Variants in NRG1 observed in about 807,000 individuals in gnomAD.
The protein encoded by NRG1 is neuregulin 1, also known as pro-neuregulin-1, membrane-bound isoform.
A neutral mutation model predicts 63.8 loss-of-function variants in NRG1; 18 were observed. The ratio of observed to expected loss-of-function variants is 0.28; its 90% CI spans 0.19 to 0.42. The LOEUF (loss-of-function observed/expected upper bound fraction) is 0.42, where lower values mean the gene tolerates loss of function less well. Ranked by LOEUF, NRG1 falls within the 10% of genes least tolerant of loss-of-function variation. The pLI is 1.00. For synonymous variants in NRG1, 302 were observed against 301.3 expected (o/e 1.00, Z -0.02); for missense variants, 762 against 814.7 (o/e 0.94, Z 0.79).
intron 1 of NRG1, among the ~76,000 whole-genome samples, chr8:31,722,685 A>C (rs1021119516): frequency 2.0e-5 from 3 of 152,034 alleles, no homozygotes; most frequent in African/African-American, 4.8e-5. Flanking sequence ...GTTATTGTTG[A>C]CTCTATATTC....
intron 1 of NRG1, among the ~76,000 whole-genome samples, chr8:32,310,255 A>G (rs1048491358): frequency 6.6e-6 from 1 of 152,224 alleles, no homozygotes. Flanking sequence ...AATGCATAGA[A>G]AAAAGAACTT....
chr8:32,103,560 T>C (rs973685475), intron 1 of NRG1, among the ~76,000 whole-genome samples: 1 of 152,210 alleles, frequency 6.6e-6, no homozygotes, highest in African/African-American at 2.4e-5. Flanking sequence ...AGCAGTGGGA[T>C]TGCTGGATCA....
intron 5 of NRG1, among the ~76,000 whole-genome samples, chr8:32,631,469 CAGCCGAACTTTCT>C (rs1850298250): frequency 6.6e-6 from 1 of 152,222 alleles, no homozygotes; most frequent in African/African-American, 2.4e-5. Flanking sequence ...GTAAGCGACA[CAGCCGAACTTTCT>C]AGCCTCTGCA....
At chr8:32,510,125 A>AATCATCATC (rs147438974) in intron 1 of NRG1, among the ~76,000 whole-genome samples, 4 of 147,994 alleles carry the variant, frequency 2.7e-5, no homozygotes, top group Non-Finnish European at 6.0e-5. Flanking sequence ...TAATAATAAT[A>AATCATCATC]ATCATAAAAG....
intron 1 of NRG1, among the ~76,000 whole-genome samples, chr8:31,916,035 A>G (rs1014823954): frequency 1.3e-5 from 2 of 152,106 alleles, no homozygotes; most frequent in Non-Finnish European, 2.9e-5. Flanking sequence ...GTCCAAGGAA[A>G]CAGGAAGACG....
intron 1 of NRG1, among the ~76,000 whole-genome samples, chr8:31,885,710 T>A (rs565710297): frequency 6.6e-6 from 1 of 152,196 alleles, no homozygotes; most frequent in African/African-American, 2.4e-5. Context: ...ATGTCCTGAT[T>A]TTTTGCTAAA....
intron 5 of NRG1, among the ~76,000 whole-genome samples, chr8:32,639,622 C>T: frequency 6.6e-6 from 1 of 152,128 alleles, no homozygotes; most frequent in Middle Eastern, 3.2e-3. Context: ...ATCTCATGCT[C>T]AACTGTTTCT....
chr8:32,378,368 T>C (rs2129483177), intron 1 of NRG1, among the ~76,000 whole-genome samples: 1 of 152,286 alleles, frequency 6.6e-6, no homozygotes, highest in Non-Finnish European at 1.5e-5. Context: ...CCCGGGGCGC[T>C]TCCATTTACT....
At chr8:32,555,767 G>A (rs542274630) in intron 1 of NRG1, among the ~76,000 whole-genome samples, 2 of 152,178 alleles carry the variant, frequency 1.3e-5, no homozygotes, top group Non-Finnish European at 2.9e-5. Flanking sequence ...CACCGCGCCC[G>A]GCGGGGCTGA....
intron 1 of NRG1, among the ~76,000 whole-genome samples, chr8:31,712,737 A>C (rs2131262718): frequency 6.6e-6 from 1 of 152,078 alleles, no homozygotes; most frequent in Admixed American, 6.5e-5. Flanking sequence ...GTGTTGTTCC[A>C]TCTCCTTTGC....
At chr8:32,688,498 A>C (rs1810766681) in intron 5 of NRG1, among the ~76,000 whole-genome samples, 1 of 152,160 alleles carries the variant, frequency 6.6e-6, no homozygotes, top group African/African-American at 2.4e-5. Flanking sequence ...CTTATGATCA[A>C]ATCATCATTA....
At chr8:32,671,067 T>C (rs992589532) in intron 5 of NRG1, among the ~76,000 whole-genome samples, 3 of 151,920 alleles carry the variant, frequency 2.0e-5, no homozygotes, top group Non-Finnish European at 4.4e-5. Context: ...AGGAAACTTT[T>C]GCCACTTAAT....
chr8:32,630,426 C>T (rs961972458), intron 5 of NRG1, among the ~76,000 whole-genome samples: 7 of 152,190 alleles, frequency 4.6e-5, no homozygotes, highest in South Asian at 2.1e-4. Context: ...CCTCCCAGTG[C>T]GCACACATTT....
intron 1 of NRG1, among the ~76,000 whole-genome samples, chr8:32,232,416 G>A (rs570537953): frequency 6.6e-6 from 1 of 152,212 alleles, no homozygotes; most frequent in South Asian, 2.1e-4. Flanking sequence ...ACAAAAGTAA[G>A]AATACATGAT....
chr8:32,184,287 T>G (rs930089225), intron 1 of NRG1, among the ~76,000 whole-genome samples: 1 of 152,150 alleles, frequency 6.6e-6, no homozygotes, highest in Non-Finnish European at 1.5e-5. Flanking sequence ...AAAGTTTATT[T>G]TGACACTTTA....
At chr8:32,390,047 A>C (rs1811524343) in intron 1 of NRG1, among the ~76,000 whole-genome samples, 2 of 152,120 alleles carry the variant, frequency 1.3e-5, no homozygotes, top group Admixed American at 1.3e-4. Flanking sequence ...GGCGTGAGCC[A>C]CTACACCCAG....
chr8:32,441,746 C>A (rs908135448), intron 1 of NRG1, among the ~76,000 whole-genome samples: 22 of 152,106 alleles, frequency 1.4e-4, no homozygotes, highest in African/African-American at 5.3e-4. Context: ...AAAAACTCAA[C>A]CTGGTTTTTC....
At chr8:32,582,746 T>G (rs1840888709) in intron 1 of NRG1, among the ~76,000 whole-genome samples, 2 of 152,240 alleles carry the variant, frequency 1.3e-5, no homozygotes, top group South Asian at 4.1e-4. Context: ...TTTTCCTGTA[T>G]AGCCCCGCTG....
intron 1 of NRG1, among the ~76,000 whole-genome samples, chr8:32,526,457 T>C (rs1482132957): frequency 1.3e-5 from 2 of 152,208 alleles, no homozygotes; most frequent in Admixed American, 1.3e-4. Context: ...CCACATTCTA[T>C]TGGCTAAAAG....
Sources: allele counts gnomAD v4.1 joint callset (sites outside exome capture counted in the v4.1 genomes callset), GRCh38; gene constraint gnomAD v4.1.1; transcripts MANE v1.5; gene names NCBI Gene and HGNC (gene_info 2026-07-23, HGNC 2026-07-21).